CCND3: variants seen among roughly 807,000 people sequenced by gnomAD.
CCND3 encodes cyclin D3, also known as G1/S-specific cyclin-D3.
A neutral mutation model predicts 28.7 loss-of-function variants in CCND3; 9 were observed. The ratio of observed to expected loss-of-function variants is 0.31; its 90% CI spans 0.19 to 0.55. CCND3 has a LOEUF of 0.55. Ranked by LOEUF, CCND3 falls within the 20% of genes least tolerant of loss-of-function variation. The pLI is 0.93. For missense variants in CCND3, 315 were observed against 385.8 expected, an observed-to-expected ratio of 0.82 and a Z score of 1.54; for synonymous variants, 164 against 163.9, an observed-to-expected ratio of 1.00 and a Z score of 0.00.
rs372029121 is a variant in CCND3, at chr6:42,015,759, G to A, written c.-46+32742C>T. On this transcript the variant is annotated intron_variant, in intron 1 of 4. Coordinates refer to the CCND3 transcript ENST00000372988. ...CTTTTTAAATTGACAAATAAAAATT[G>A]TACATATTTATTGTGTACAATGTGA... is the stretch of plus-strand genomic sequence containing the variant. 1.1e-4 allele frequency among the ~76,000 whole-genome samples: 16 copies of A among 151,578 alleles called. No homozygotes were observed. The East Asian group carries it at 2.7e-3, about 26-fold the overall frequency.
intron 1 of CCND3, among the ~76,000 whole-genome samples, chr6:42,047,702 G>C (rs1487715163): frequency 6.6e-6 from 1 of 152,174 alleles, no homozygotes; most frequent in African/African-American, 2.4e-5. Context: ...AGCAGGAATT[G>C]TTTCTGGGTC....
upstream of CCND3, among the ~76,000 whole-genome samples, chr6:41,946,595 CAAAAAAA>C (rs35369019): frequency 7.6e-3 from 160 of 20,922 alleles, no homozygotes; most frequent in African/African-American, 0.027. Context: ...AGACCTGTCT[CAAAAAAA>C]AAAAAAAAAA....
intron 1 of CCND3, among the ~76,000 whole-genome samples, chr6:41,996,440 G>A (rs887633161): frequency 2.0e-5 from 3 of 151,584 alleles, no homozygotes; most frequent in Non-Finnish European, 2.9e-5. Flanking sequence ...GTAAGCCACC[G>A]CGCCCAGCCT....
chr6:42,002,114 T>A (rs200810248), intron 1 of CCND3, among the ~76,000 whole-genome samples: 13 of 142,598 alleles, frequency 9.1e-5, no homozygotes, highest in African/African-American at 2.8e-4. Context: ...AAACTTTCTT[T>A]AAAAAAAAAA....
chr6:42,039,203 G>T lies in CCND3; in HGVS notation c.-46+9298C>A, dbSNP rs193078175. 9.8e-5 allele frequency among the ~76,000 whole-genome samples: 15 copies of T among 152,326 alleles called. No homozygotes were observed. The East Asian group carries it at 2.7e-3, about 27-fold the overall frequency. On this transcript the variant is annotated intron_variant, in intron 1 of 4. Coordinates refer to the CCND3 transcript ENST00000372988. ...AAATCATGTATCCTGTGTTTTATGA[G>T]CAGTCTCTTTAAAATAGAGACTTTA...
chr6:41,952,994 G>C (rs1314308868), intron 1 of CCND3, among the ~76,000 whole-genome samples: 1 of 152,162 alleles, frequency 6.6e-6, no homozygotes, highest in East Asian at 1.9e-4. Context: ...GCAAAACAGG[G>C]GGTGCAGTGG....
intron 1 of CCND3, among the ~76,000 whole-genome samples, chr6:42,028,633 T>G (rs184230574): frequency 7.8e-4 from 119 of 152,278 alleles, no homozygotes; most frequent in African/African-American, 2.7e-3. Context: ...CAGGCATGGG[T>G]AAAGAGCTCA....
intron 1 of CCND3, among the ~76,000 whole-genome samples, chr6:41,972,980 C>A (rs1370843896): frequency 6.6e-6 from 1 of 152,004 alleles, no homozygotes; most frequent in Admixed American, 6.6e-5. Flanking sequence ...GATGAATGCA[C>A]ATGGCTAAGC....
intron 1 of CCND3, among the ~76,000 whole-genome samples, chr6:41,970,644 G>C (rs1475122870): frequency 1.3e-5 from 2 of 152,130 alleles, no homozygotes; most frequent in African/African-American, 4.8e-5. Flanking sequence ...CTGTATTATG[G>C]AAGTAAATCT....
intron 1 of CCND3, among the ~76,000 whole-genome samples, chr6:42,016,984 G>A (rs1475806087): frequency 6.6e-6 from 1 of 152,198 alleles, no homozygotes; most frequent in Non-Finnish European, 1.5e-5. Flanking sequence ...ATGCCATGGG[G>A]AAACGTTAGA....
chr6:41,995,067 G>A (rs7756712), intron 1 of CCND3, among the ~76,000 whole-genome samples: 149,043 of 152,072 alleles, frequency 0.98, 73,097 homozygotes, highest in East Asian at 1. Context: ...GTGAGACTCC[G>A]TCTCAAAAAT....
chr6:41,971,985 G>A (rs1293566095), intron 1 of CCND3, among the ~76,000 whole-genome samples: 2 of 150,364 alleles, frequency 1.3e-5, no homozygotes, highest in Non-Finnish European at 3.0e-5. Context: ...CAGCACTTTG[G>A]GAGGCCAAGA....
At chr6:41,940,644 G>C in intron 1 of CCND3, 59 bp from the exon 2 acceptor site, 2 of 1,212,934 alleles carry the variant, frequency 1.6e-6, no homozygotes, top group Non-Finnish European at 2.4e-6. Context: ...AGCAGCGGGG[G>C]GGTGGGAGCG....
chr6:42,006,288 G>A (rs1006875588), intron 1 of CCND3, among the ~76,000 whole-genome samples: 2 of 145,408 alleles, frequency 1.4e-5, no homozygotes, highest in Non-Finnish European at 3.1e-5. Flanking sequence ...ACAACATTAA[G>A]GTAGATTTAG....
intron 1 of CCND3, chr6:42,010,896 CTG>C (rs763003301): frequency 1.4e-5 from 2 of 147,238 alleles, no homozygotes; most frequent in Non-Finnish European, 2.9e-5. Context: ...TCTAAATAGA[CTG>C]TTTTTTAGCA....
At chr6:42,026,194 A>G (rs1249940860) in intron 1 of CCND3, among the ~76,000 whole-genome samples, 2 of 151,996 alleles carry the variant, frequency 1.3e-5, no homozygotes, top group African/African-American at 4.8e-5. Context: ...CTCACATTAC[A>G]TTTGACCTTC....
chr6:41,985,469 A>AC (rs1762459821), intron 1 of CCND3, among the ~76,000 whole-genome samples: 1 of 152,022 alleles, frequency 6.6e-6, no homozygotes, highest in South Asian at 2.1e-4. Context: ...GTCCACCACC[A>AC]CACCTGGCTA....
chr6:41,973,515 C>G (rs1334290702), intron 1 of CCND3, among the ~76,000 whole-genome samples: 1 of 151,972 alleles, frequency 6.6e-6, no homozygotes, highest in African/African-American at 2.4e-5. Flanking sequence ...TATAATGTTC[C>G]ATATTATGAT....
intron 1 of CCND3, among the ~76,000 whole-genome samples, chr6:42,011,960 C>G (rs937522158): frequency 2.0e-5 from 3 of 152,142 alleles, no homozygotes; most frequent in African/African-American, 7.2e-5. Context: ...CCTCATCTGT[C>G]AAATTCGGAG....
Sources: allele counts gnomAD v4.1 joint callset (sites outside exome capture counted in the v4.1 genomes callset), GRCh38; gene constraint gnomAD v4.1.1; transcripts MANE v1.5; gene names NCBI Gene and HGNC (gene_info 2026-07-23, HGNC 2026-07-21).